The following CLC variants were observed in gnomAD, a reference collection of about 807,000 sequenced individuals.
CLC encodes Charcot-Leyden crystal galectin.
CLC carries 15 observed loss-of-function variants against 13.9 expected under a neutral mutation model. The observed-to-expected ratio is 1.08, with a 90% CI of 0.72 to 1.66. The LOEUF (loss-of-function observed/expected upper bound fraction) is 1.66, where lower values mean the gene tolerates loss of function less well. Among genes scored for constraint, CLC ranks in the 40% most tolerant of loss-of-function variants. The pLI is 0.00. For missense variants in CLC, 161 were observed against 169.1 expected (o/e 0.95, Z 0.27); for synonymous variants, 68 against 59.9 (o/e 1.14, Z -0.63).
At chr19:39,737,740 G>A (rs1967334784) in intron 1 of CLC, among the ~76,000 whole-genome samples, 198 bp downstream of exon 1, 1 of 152,062 alleles carries the variant, frequency 6.6e-6, no homozygotes, top group Admixed American at 6.6e-5. Context: ...GGGTCACAAT[G>A]TTCCAGCATC....
chr19:39,732,406 G>A (rs12978411), intron 3 of CLC, among the ~76,000 whole-genome samples: 11,499 of 45,830 alleles, frequency 0.25, 1,700 homozygotes, highest in Middle Eastern at 0.38. Context: ...TACAAAGGAC[G>A]TGAACTCATC....
At chr19:39,734,559 CAA>C (rs1252592397) in intron 2 of CLC, 66 bp from the exon 3 acceptor site, 2 of 1,387,368 alleles carry the variant, frequency 1.4e-6, no homozygotes, top group South Asian at 1.2e-5. Context: ...GACACACACA[CAA>C]GTCTCTTTGC....
chr19:39,734,131 A>G, intron 3 of CLC, 152 bp downstream of exon 3: 1 of 1,402,404 alleles, frequency 7.1e-7, no homozygotes, highest in Non-Finnish European at 9.4e-7. Context: ...GGACAGGGGG[A>G]GTTATGGGTG....
intron 1 of CLC, among the ~76,000 whole-genome samples, chr19:39,737,702 T>A (rs1302711830): frequency 6.6e-6 from 1 of 152,036 alleles, no homozygotes; most frequent in Non-Finnish European, 1.5e-5. Flanking sequence ...GAGTTTACTC[T>A]CATCAGATAC....
intron 1 of CLC, among the ~76,000 whole-genome samples, 164 bp from the exon 2 acceptor site, chr19:39,735,237 G>T (rs1052261992): frequency 6.6e-6 from 1 of 152,146 alleles, no homozygotes; most frequent in Non-Finnish European, 1.5e-5. Context: ...AAACAATGGG[G>T]CCCATGGTTA....
At chr19:39,736,103 C>T (rs571234160) in intron 1 of CLC, among the ~76,000 whole-genome samples, 1 of 152,066 alleles carries the variant, frequency 6.6e-6, no homozygotes, top group East Asian at 1.9e-4. Flanking sequence ...ATTTTACATC[C>T]CTCCAAGCAT....
rs1187591828 is a variant in CLC at position 39,734,299 on chromosome 19, A to G, written c.287T>C (p.Leu96Pro). ...GGTGCTCACCTGGTACTTATCTGGC[A>G]GCACTGAGATGCTCAGTTCAAATTC... ...GQEFELSISV[L>P]PDKYQVMVNG... is the part of the protein sequence containing the mutation. The change falls in exon 3 of 4, where the codon CTG becomes CCG. Residue 96 changes from leucine to proline, a missense_variant. Leu to Pro is a moderately conservative substitution (Grantham distance 98). Coordinates refer to ENST00000221804, the MANE Select transcript of CLC (RefSeq NM_001828.6). 1.9e-6 allele frequency: 3 copies of G among 1,613,726 alleles called. No individual in the cohort carries two copies. The highest frequency in any genetic ancestry group is 2.5e-6 in the Non-Finnish European group (3 of 1,179,964).
intron 1 of CLC, among the ~76,000 whole-genome samples, chr19:39,737,040 TG>T (rs1410901592): frequency 6.6e-6 from 1 of 152,024 alleles, no homozygotes; most frequent in African/African-American, 2.4e-5. Flanking sequence ...AGCTCTGCCT[TG>T]TACCTTCCTG....
At position 39,734,405 on chromosome 19, in the gene CLC, G is replaced by A. The variant is rs149971661; in HGVS notation, c.181C>T (p.Arg61Cys). 3.1e-4 allele frequency: 497 copies of A among 1,614,064 alleles called. No homozygotes were observed. Among genetic ancestry groups the A allele is most frequent in the Admixed American group, 5.0e-4 (30 of 60,016 alleles). ...VFHFQVCFGRRVVMNSREYGA... is the reference protein window; with the variant it reads ...VFHFQVCFGRCVVMNSREYGA... ...TACTCACGGCTGTTCATGACCACAC[G>A]ACGACCAAAGCACACTTGGAAATGG... The change falls in exon 3 of 4, where the codon CGT (arginine) becomes TGT (cysteine). Residue 61 changes from arginine (R) to cysteine (C), a missense_variant. Arg to Cys is a radical substitution (Grantham distance 180). Transcript: ENST00000221804.
At chr19:39,733,568 G>T (rs1467313905) in intron 3 of CLC, among the ~76,000 whole-genome samples, 3 of 152,210 alleles carry the variant, frequency 2.0e-5, no homozygotes, top group African/African-American at 4.8e-5. Context: ...AGTACAGCAA[G>T]TTGAGGAAAT....
chr19:39,734,222 A>G, intron 3 of CLC, 61 bp downstream of exon 3: 1 of 1,546,546 alleles, frequency 6.5e-7, no homozygotes. Flanking sequence ...GGGCATGAAG[A>G]GCTGCCTCCT....
intron 3 of CLC, among the ~76,000 whole-genome samples, chr19:39,732,841 T>G (rs1423550984): frequency 6.7e-6 from 1 of 149,668 alleles, no homozygotes; most frequent in African/African-American, 2.5e-5. Context: ...AACCTAGGCA[T>G]TACCATTCAG....
chr19:39,734,668 C>G (rs934919824), intron 2 of CLC, among the ~76,000 whole-genome samples, 175 bp from the exon 3 acceptor site: 9 of 152,194 alleles, frequency 5.9e-5, no homozygotes, highest in African/African-American at 2.2e-4. Context: ...GAAAGAGATG[C>G]TCCAGCCCTC....
Position 39,734,998 on chromosome 19 carries a change from A to C in CLC, c.91T>G (p.Leu31Val), listed in dbSNP as rs1456836909. The C allele has an allele frequency of 1.2e-6, 2 of 1,610,374 alleles. No individual in the cohort carries two copies. Among genetic ancestry groups the C allele is most frequent in the East Asian group, 2.2e-5 (1 of 44,858 alleles). ...TIKGRPLACF[L>V]NEPYLQVDFH... ...ATCTTTGCACCATGGAGTACTCACA[A>C]GAAACAGGCAAGTGGTCGCCCTTTG... Residue 31 changes from leucine (L) to valine (V), a missense_variant and splice_region_variant, in exon 2 of 4, where the codon TTG (leucine) becomes GTG (valine). Transcript: ENST00000221804.
At chr19:39,731,556 T>C in intron 3 of CLC, 51 bp from the exon 4 acceptor site, 1 of 1,558,568 alleles carries the variant, frequency 6.4e-7, no homozygotes, top group Non-Finnish European at 8.7e-7. Context: ...CCAAACAAGC[T>C]TTCAGCCTGC....
chr19:39,734,957 C>T (rs1299381509), intron 2 of CLC, 40 bp downstream of exon 2: 2 of 1,455,588 alleles, frequency 1.4e-6, no homozygotes, highest in Admixed American at 1.7e-5. Context: ...AATATTCTTC[C>T]TCTTCTCCAC....
intron 3 of CLC, among the ~76,000 whole-genome samples, chr19:39,732,864 G>A: frequency 7.0e-6 from 1 of 143,030 alleles, no homozygotes; most frequent in Non-Finnish European, 1.5e-5. Context: ...CATAGGCCTG[G>A]GCAAGGACTT....
chr19:39,734,182 G>T, intron 3 of CLC, 101 bp downstream of exon 3: 8 of 1,413,490 alleles, frequency 5.7e-6, no homozygotes, highest in Non-Finnish European at 6.7e-6. Flanking sequence ...GTGATGAAAA[G>T]CCGGGGACAG....
rs10402365 is a variant in CLC at position 39,735,143 on chromosome 19, C to T, written c.16-70G>A. 0.018 allele frequency: 18,745 copies of T among 1,070,180 alleles called. 1,141 individuals are homozygous for T. In the African/African-American group the frequency reaches 0.18, roughly 10 times the overall value. 66.3% of individuals were successfully genotyped at this position (1,070,180 alleles called of 1,614,324 possible). On this transcript the variant is annotated intron_variant, in intron 1 of 3. Transcript: ENST00000221804. ...GGCCTCCCCTCCTGTAACAGATTCC[C>T]ATGGTGCAGCCAGTTAGAGATCAAG...
Sources: allele counts gnomAD v4.1 joint callset (sites outside exome capture counted in the v4.1 genomes callset), GRCh38; gene constraint gnomAD v4.1.1; transcripts MANE v1.5; gene names NCBI Gene and HGNC (gene_info 2026-07-23, HGNC 2026-07-21).